TMCO5A: variants seen among roughly 807,000 people sequenced by gnomAD.
TMCO5A encodes the protein transmembrane and coiled-coil domains 5A.
A neutral mutation model predicts 42.3 loss-of-function variants in TMCO5A; 34 were observed. The observed-to-expected ratio is 0.80, with a 90% CI of 0.61 to 1.07. The LOEUF (loss-of-function observed/expected upper bound fraction) is 1.07. Ranked by LOEUF, TMCO5A falls within the 50% of genes least tolerant of loss-of-function variation. The probability of loss-of-function intolerance (pLI) is 0.00; values close to 1 mark genes in which losing one functional copy is unlikely to be tolerated. For synonymous variants in TMCO5A, 131 were observed against 115.6 expected (o/e 1.13, Z -0.86); for missense variants, 357 against 327.9 (o/e 1.09, Z -0.69).
chr15:38,010,459 G>A, the TMCO5A span, among the ~76,000 whole-genome samples: 1 of 87,366 alleles, frequency 1.1e-5, no homozygotes, highest in African/African-American at 4.0e-5. Flanking sequence ...ACACACACAG[G>A]AAGGGGCCAT....
the TMCO5A span, among the ~76,000 whole-genome samples, chr15:38,019,773 A>ATT: frequency 8.3e-5 from 12 of 143,810 alleles, no homozygotes; most frequent in Admixed American, 2.1e-4. Context: ...TGTCTGGCTA[A>ATT]TTTTTTTTTT....
chr15:37,967,999 T>C (rs1890596026), downstream of TMCO5A, among the ~76,000 whole-genome samples: 1 of 152,228 alleles, frequency 6.6e-6, no homozygotes, highest in Admixed American at 6.5e-5. Flanking sequence ...TTAATAATTA[T>C]GCCAGGACTG....
At chr15:37,984,396 A>G in the TMCO5A span, among the ~76,000 whole-genome samples, 1 of 152,196 alleles carries the variant, frequency 6.6e-6, no homozygotes, top group Non-Finnish European at 1.5e-5. Flanking sequence ...TGGAGAAGGG[A>G]CTTTCAGAGG....
At chr15:37,969,248 A>G (rs1890628982), downstream of TMCO5A, among the ~76,000 whole-genome samples, 1 of 152,214 alleles carries the variant, frequency 6.6e-6, no homozygotes, top group African/African-American at 2.4e-5. Context: ...TGAAGGACTA[A>G]AAACATTTTC....
chr15:37,992,995 CTAAAA>C, the TMCO5A span, among the ~76,000 whole-genome samples: 1 of 152,108 alleles, frequency 6.6e-6, no homozygotes, highest in Non-Finnish European at 1.5e-5. Flanking sequence ...ACCCCTGAAC[CTAAAA>C]TAAAAGTTTT....
intron 6 of TMCO5A, among the ~76,000 whole-genome samples, chr15:37,939,731 C>G (rs1295832646): frequency 6.6e-6 from 1 of 152,080 alleles, no homozygotes; most frequent in Non-Finnish European, 1.5e-5. Flanking sequence ...TACAGAATCT[C>G]TTTTGCTTCT....
chr15:37,936,929 G>C lies in TMCO5A; in HGVS notation c.223G>C (p.Glu75Gln). The C allele has an allele frequency of 6.2e-7, 1 of 1,612,688 alleles. No individual in the cohort carries two copies. Among genetic ancestry groups the C allele is most frequent in the East Asian group, 2.2e-5 (1 of 44,776 alleles). The change falls in exon 4 of 12, where the codon GAA becomes CAA. Residue 75 changes from glutamate (E) to glutamine (Q), a missense_variant. Coordinates refer to ENST00000319669, the MANE Select transcript of TMCO5A (RefSeq NM_152453.4). ...GGAGAACCGCACCACGATGGAAAGG[G>C]AAAGAGCCTTGCAGGAGCTGGAGGA... ...EKENRTTMER[E>Q]RALQELEEET...
At chr15:37,994,838 G>C in the TMCO5A span, 3 of 152,354 alleles carry the variant, frequency 2.0e-5, no homozygotes, top group Non-Finnish European at 4.4e-5. Flanking sequence ...ACAAGAGTGA[G>C]TGGTGGGTGG....
intron 11 of TMCO5A, among the ~76,000 whole-genome samples, chr15:37,959,254 T>G (rs1890365017): frequency 6.6e-6 from 1 of 151,896 alleles, no homozygotes; most frequent in African/African-American, 2.4e-5. Context: ...ACCCCAGAAT[T>G]TAAAGTATAA....
chr15:37,942,096 T>C, intron 8 of TMCO5A, 95 bp from the exon 9 acceptor site: 1 of 1,167,632 alleles, frequency 8.6e-7, no homozygotes, highest in Admixed American at 2.0e-5. Flanking sequence ...ATACCAAGCA[T>C]TCATGGTATC....
chr15:37,950,646 C>A (rs1424048680), intron 11 of TMCO5A, among the ~76,000 whole-genome samples: 2 of 152,044 alleles, frequency 1.3e-5, no homozygotes, highest in Non-Finnish European at 2.9e-5. Flanking sequence ...ATTTGATTAG[C>A]AAAAGTGTTT....
chr15:37,972,020 G>C (rs1285026462), downstream of TMCO5A, among the ~76,000 whole-genome samples: 4 of 152,120 alleles, frequency 2.6e-5, no homozygotes, highest in African/African-American at 7.2e-5. Context: ...TATCTTTTCA[G>C]CAGTGCCCCA....
the TMCO5A span, chr15:37,994,784 C>A: frequency 0.21 from 32,444 of 152,224 alleles, 7,391 homozygotes; most frequent in African/African-American, 0.57. Flanking sequence ...CTGTACAAGC[C>A]AGCCCAGTTC....
chr15:38,000,157 T>C, the TMCO5A span, among the ~76,000 whole-genome samples: 1 of 152,324 alleles, frequency 6.6e-6, no homozygotes, highest in East Asian at 1.9e-4. Flanking sequence ...CCAAGGCTTT[T>C]CTTTGCTAGA....
chr15:37,955,634 A>G (rs1890268761), downstream of TMCO5A, among the ~76,000 whole-genome samples: 1 of 152,162 alleles, frequency 6.6e-6, no homozygotes, highest in South Asian at 2.1e-4. Context: ...AAACTCCCAC[A>G]CAATAATAGT....
the TMCO5A span, among the ~76,000 whole-genome samples, chr15:38,025,628 CAA>C: frequency 6.6e-6 from 1 of 152,180 alleles, no homozygotes; most frequent in African/African-American, 2.4e-5. Flanking sequence ...AGTTCAATCA[CAA>C]GTTACTTCAG....
At chr15:37,968,190 C>A (rs529049393), downstream of TMCO5A, among the ~76,000 whole-genome samples, 3 of 152,208 alleles carry the variant, frequency 2.0e-5, no homozygotes, top group East Asian at 5.8e-4. Context: ...AATACTCAGC[C>A]CTACTCTGCC....
At chr15:37,964,455 A>C (rs1890509237) in intron 11 of TMCO5A, among the ~76,000 whole-genome samples, 1 of 151,838 alleles carries the variant, frequency 6.6e-6, no homozygotes, top group Non-Finnish European at 1.5e-5. Context: ...AGGTCCTCTC[A>C]GAATTGCTGT....
intron 11 of TMCO5A, chr15:37,966,552 C>A: frequency 1.4e-6 from 1 of 702,552 alleles, no homozygotes; most frequent in Non-Finnish European, 2.6e-6. Flanking sequence ...AGACTTGGGG[C>A]TTTAGGCAAG....
Sources: gnomAD v4.1 joint callset for allele counts (sites outside exome capture counted in the v4.1 genomes callset) on GRCh38, gnomAD v4.1.1 for gene constraint, MANE v1.5 for transcripts, NCBI Gene and HGNC (gene_info 2026-07-23, HGNC 2026-07-21) for gene names.